Variants in COL24A1 observed in about 807,000 individuals in gnomAD.
COL24A1 encodes collagen type XXIV alpha 1 chain, also known as collagen alpha-1(XXIV) chain.
COL24A1 carries 224 observed loss-of-function variants against 253.9 expected under a neutral mutation model. The ratio of observed to expected loss-of-function variants is 0.88; its 90% CI spans 0.79 to 0.99. COL24A1 has a LOEUF of 0.99. Among genes scored for constraint, COL24A1 ranks in the 50% least tolerant of loss-of-function variants. The pLI, the probability that COL24A1 is intolerant of heterozygous loss-of-function variation, is 0.00. For synonymous variants in COL24A1, 685 were observed against 673.7 expected, an observed-to-expected ratio of 1.02 and a Z score of -0.26; for missense variants, 2,131 against 2,068.5, an observed-to-expected ratio of 1.03 and a Z score of -0.59.
intron 24 of COL24A1, among the ~76,000 whole-genome samples, chr1:85,948,374 A>G (rs917984317): frequency 5.3e-5 from 8 of 151,050 alleles, no homozygotes; most frequent in Admixed American, 2.6e-4. Flanking sequence ...AATACAAAAA[A>G]TTAGCCGGGC....
intron 12 of COL24A1, among the ~76,000 whole-genome samples, chr1:86,040,142 TG>T: frequency 6.6e-6 from 1 of 152,204 alleles, no homozygotes; most frequent in Non-Finnish European, 1.5e-5. Flanking sequence ...AAACCAGATG[TG>T]GTATACAACA....
chr1:85,986,353 CT>C (rs1436990380), intron 20 of COL24A1, among the ~76,000 whole-genome samples: 3 of 151,732 alleles, frequency 2.0e-5, no homozygotes, highest in African/African-American at 7.2e-5. Context: ...AATTTCTCCC[CT>C]CTTTAAACCA....
chr1:85,903,979 G>A, intron 28 of COL24A1, among the ~76,000 whole-genome samples: 1 of 152,164 alleles, frequency 6.6e-6, no homozygotes, highest in East Asian at 1.9e-4. Context: ...CATTTGGAGT[G>A]CTTCAGGTAT....
chr1:85,875,488 C>T (rs1681049630), intron 33 of COL24A1, among the ~76,000 whole-genome samples, 158 bp from the exon 34 acceptor site: 1 of 151,992 alleles, frequency 6.6e-6, no homozygotes, highest in South Asian at 2.1e-4. Flanking sequence ...TTTCTGACAC[C>T]CTTTAATTGT....
intron 2 of COL24A1, among the ~76,000 whole-genome samples, chr1:86,144,915 T>A (rs1187911963): frequency 6.6e-6 from 1 of 152,116 alleles, no homozygotes; most frequent in East Asian, 1.9e-4. Flanking sequence ...AACAATAAAT[T>A]AAGAGAGAGA....
intron 24 of COL24A1, among the ~76,000 whole-genome samples, chr1:85,934,218 C>T (rs1199790605): frequency 2.0e-5 from 3 of 152,198 alleles, no homozygotes; most frequent in African/African-American, 7.2e-5. Flanking sequence ...CACACATTGA[C>T]TTCTGCCATA....
intron 43 of COL24A1, among the ~76,000 whole-genome samples, chr1:85,832,722 CTGTT>C (rs1420025514): frequency 6.6e-6 from 1 of 151,352 alleles, no homozygotes; most frequent in Non-Finnish European, 1.5e-5. Flanking sequence ...ATTTGGCTCT[CTGTT>C]TGTCTGTTAT....
intron 19 of COL24A1, among the ~76,000 whole-genome samples, chr1:85,996,792 G>T (rs879745905): frequency 6.6e-6 from 1 of 151,870 alleles, no homozygotes; most frequent in African/African-American, 2.4e-5. Context: ...TGTATATTCT[G>T]GAGACTGTTT....
intron 47 of COL24A1, among the ~76,000 whole-genome samples, chr1:85,800,891 C>G (rs1021915434): frequency 6.6e-6 from 1 of 152,034 alleles, no homozygotes; most frequent in Admixed American, 6.6e-5. Flanking sequence ...TGGCCTTTCA[C>G]CAAAACTCAA....
At chr1:85,759,745 C>A (rs1241589382) in intron 55 of COL24A1, among the ~76,000 whole-genome samples, 3 of 152,144 alleles carry the variant, frequency 2.0e-5, no homozygotes, top group Non-Finnish European at 4.4e-5. Flanking sequence ...TGAGCAAAAA[C>A]CTCTCATGTC....
At chr1:85,946,479 A>G (rs1689336801) in intron 24 of COL24A1, among the ~76,000 whole-genome samples, 1 of 152,176 alleles carries the variant, frequency 6.6e-6, no homozygotes, top group African/African-American at 2.4e-5. Context: ...GTCCTAAGGT[A>G]TCTCCATGAG....
At chr1:85,778,150 C>T in intron 52 of COL24A1, among the ~76,000 whole-genome samples, 1 of 151,954 alleles carries the variant, frequency 6.6e-6, no homozygotes, top group African/African-American at 2.4e-5. Flanking sequence ...TTTGCCCAGG[C>T]TGGAGTGCAG....
At chr1:85,768,936 G>T (rs998468830) in intron 53 of COL24A1, among the ~76,000 whole-genome samples, 2 of 152,110 alleles carry the variant, frequency 1.3e-5, no homozygotes, top group Non-Finnish European at 2.9e-5. Flanking sequence ...GTACTAGGTG[G>T]TATCTAATAT....
intron 2 of COL24A1, among the ~76,000 whole-genome samples, chr1:86,134,103 T>C (rs1016599860): frequency 6.6e-6 from 1 of 152,082 alleles, no homozygotes; most frequent in African/African-American, 2.4e-5. Context: ...GAGGAATTTA[T>C]CCATTTCTTC....
chr1:85,795,725 T>C (rs943824221), intron 47 of COL24A1, among the ~76,000 whole-genome samples: 3 of 152,204 alleles, frequency 2.0e-5, no homozygotes, highest in Middle Eastern at 3.4e-3. Flanking sequence ...TGTGAGAAGA[T>C]AATAAGAAAA....
At chr1:85,908,977 G>A (rs1188875169) in intron 26 of COL24A1, among the ~76,000 whole-genome samples, 1 of 151,682 alleles carries the variant, frequency 6.6e-6, no homozygotes, top group African/African-American at 2.4e-5. Context: ...TGAAGATCAT[G>A]TTATCTTATC....
intron 43 of COL24A1, among the ~76,000 whole-genome samples, chr1:85,830,144 C>G (rs1428837809): frequency 2.0e-5 from 3 of 152,046 alleles, no homozygotes; most frequent in African/African-American, 7.2e-5. Context: ...TTCTAACAGA[C>G]AGGACCCTCA....
intron 7 of COL24A1, among the ~76,000 whole-genome samples, chr1:86,081,535 C>T (rs1702642971): frequency 6.6e-6 from 1 of 152,098 alleles, no homozygotes; most frequent in Non-Finnish European, 1.5e-5. Context: ...TTAGCTAATA[C>T]TTCTTTTGAT....
chr1:86,156,416 C>T lies in COL24A1; in HGVS notation c.-20G>A. 1 of 1,607,342 alleles carries T rather than the reference C, an allele frequency of 6.2e-7. No individual in the cohort carries two copies. On this transcript the variant is annotated 5_prime_UTR_variant, in exon 1 of 60. Transcript: ENST00000370571. ...ATGCATTTGTATGCATTTGTCCGTG[C>T]AGCAAAGCGCTAACGGAAAACAGAA...
Sources: gnomAD v4.1 joint callset for allele counts (sites outside exome capture counted in the v4.1 genomes callset) on GRCh38, gnomAD v4.1.1 for gene constraint, MANE v1.5 for transcripts, NCBI Gene and HGNC (gene_info 2026-07-23, HGNC 2026-07-21) for gene names.